SLC24A2: variants seen among roughly 807,000 people sequenced by gnomAD.
SLC24A2 encodes solute carrier family 24 member 2.
Under a neutral mutation model 62.0 loss-of-function variants are expected in SLC24A2, and 36 were observed. The ratio of observed to expected loss-of-function variants is 0.58; its 90% CI spans 0.44 to 0.77. SLC24A2 has a LOEUF of 0.77. SLC24A2 is among the 30% of genes least tolerant of loss of function. The pLI, the probability that SLC24A2 is intolerant of heterozygous loss-of-function variation, is 0.00. For missense variants in SLC24A2, 846 were observed against 817.9 expected (o/e 1.03, Z -0.42); for synonymous variants, 358 against 294.0 (o/e 1.22, Z -2.23).
Position 19,510,781 on chromosome 9 carries a change from C to A in SLC24A2, c.*5372G>T, listed in dbSNP as rs561741024. The A allele has an allele frequency of 3.3e-5, 5 of 152,358 alleles. No individual in the cohort carries two copies. Among genetic ancestry groups the A allele is most frequent in the African/African-American group, 9.6e-5 (4 of 41,584 alleles). 9.4% of individuals were successfully genotyped at this position (152,358 alleles called of 1,614,324 possible). ...GGCTTAGATAATATGGTGCTCTACA[C>A]AGTCCCTCACTGTTCGTACGCTAAT... On this transcript the variant is annotated 3_prime_UTR_variant, in exon 11 of 11. Coordinates refer to ENST00000341998, the MANE Select transcript of SLC24A2 (RefSeq NM_020344.4).
chr9:19,738,890 G>A (rs1344529079), intron 2 of SLC24A2, among the ~76,000 whole-genome samples: 5 of 152,072 alleles, frequency 3.3e-5, no homozygotes, highest in East Asian at 3.9e-4. Flanking sequence ...AGGCTGAGGC[G>A]GGCAGATCAA....
chr9:20,176,338 G>A, the SLC24A2 span, among the ~76,000 whole-genome samples: 2 of 151,992 alleles, frequency 1.3e-5, no homozygotes, highest in African/African-American at 4.8e-5. Context: ...TTATAGCTGT[G>A]ATTTCAGTTA....
At chr9:20,303,699 C>G in the SLC24A2 span, among the ~76,000 whole-genome samples, 6 of 152,254 alleles carry the variant, frequency 3.9e-5, no homozygotes, top group Non-Finnish European at 8.8e-5. Context: ...TTTCCTCCAC[C>G]TGACTGTAGC....
chr9:19,631,915 G>A (rs62563280), intron 2 of SLC24A2, among the ~76,000 whole-genome samples: 4,456 of 152,266 alleles, frequency 0.029, 68 homozygotes, highest in Middle Eastern at 0.068. Flanking sequence ...AATGGCTGAG[G>A]TGAGTGCAGT....
At chr9:20,302,689 C>G in the SLC24A2 span, among the ~76,000 whole-genome samples, 1 of 152,118 alleles carries the variant, frequency 6.6e-6, no homozygotes, top group South Asian at 2.1e-4. Context: ...TCTTCTCATT[C>G]TCTTGACTAT....
At chr9:19,870,753 A>G in the SLC24A2 span, among the ~76,000 whole-genome samples, 2 of 152,108 alleles carry the variant, frequency 1.3e-5, no homozygotes, top group Non-Finnish European at 2.9e-5. Flanking sequence ...TACATCATGG[A>G]TAATAATGTT....
chr9:19,609,892 A>G (rs1387272055), intron 4 of SLC24A2, among the ~76,000 whole-genome samples: 1 of 152,078 alleles, frequency 6.6e-6, no homozygotes, highest in African/African-American at 2.4e-5. Context: ...TGCACAGTTC[A>G]CCATAGAGTT....
At chr9:19,928,881 T>A in the SLC24A2 span, 2 of 152,208 alleles carry the variant, frequency 1.3e-5, no homozygotes, top group African/African-American at 4.8e-5. Context: ...GACCCTTCCA[T>A]GCTGTGAGCC....
the SLC24A2 span, among the ~76,000 whole-genome samples, chr9:19,826,951 C>G: frequency 6.6e-6 from 1 of 152,122 alleles, no homozygotes. Context: ...GTATCTTCTC[C>G]TTTTCCTGTA....
chr9:19,949,771 A>G, the SLC24A2 span, among the ~76,000 whole-genome samples: 20 of 152,198 alleles, frequency 1.3e-4, no homozygotes, highest in Non-Finnish European at 2.2e-4. Context: ...GACCATGTGG[A>G]TTAGAACAAC....
chr9:19,569,259 G>A (rs1013424182), intron 7 of SLC24A2, among the ~76,000 whole-genome samples: 2 of 152,190 alleles, frequency 1.3e-5, no homozygotes, highest in African/African-American at 4.8e-5. Flanking sequence ...GGGTCGTACA[G>A]AAACAGGCTG....
At chr9:19,708,883 A>C (rs1564055011) in intron 2 of SLC24A2, among the ~76,000 whole-genome samples, 1 of 152,204 alleles carries the variant, frequency 6.6e-6, no homozygotes, top group African/African-American at 2.4e-5. Context: ...AAGCAATGGC[A>C]ACAAAAGCCA....
chr9:19,747,001 G>A (rs1320030902), intron 2 of SLC24A2, among the ~76,000 whole-genome samples: 2 of 151,926 alleles, frequency 1.3e-5, no homozygotes, highest in African/African-American at 2.4e-5. Context: ...GTCTACTGTG[G>A]GCCAGTACTA....
the SLC24A2 span, among the ~76,000 whole-genome samples, chr9:20,093,125 G>T: frequency 6.6e-6 from 1 of 151,246 alleles, no homozygotes. Context: ...AGGCTGGAGC[G>T]CAGTAGCGCA....
chr9:20,263,743 T>C, the SLC24A2 span, among the ~76,000 whole-genome samples: 1 of 151,936 alleles, frequency 6.6e-6, no homozygotes, highest in Non-Finnish European at 1.5e-5. Flanking sequence ...GTGTTCCTTT[T>C]GGAAGACTTG....
At position 19,748,210 on chromosome 9, in the gene SLC24A2, A is replaced by C. The variant is rs1043611077; in HGVS notation, c.930+37727T>G. Among the ~76,000 whole-genome samples, 21 of 152,218 alleles carry C rather than the reference A, an allele frequency of 1.4e-4. 1 individual carries two copies. The highest frequency in any genetic ancestry group is 5.1e-4 in the African/African-American group (21 of 41,460). ...AGGGGCTCACACTCAGCTCAGCTGA[A>C]GCAGATATAAAGATACTATGCAGGA... On this transcript the variant is annotated intron_variant, in intron 2 of 10. Transcript: ENST00000341998.
the SLC24A2 span, among the ~76,000 whole-genome samples, chr9:19,906,846 C>T: frequency 3.9e-5 from 6 of 152,072 alleles, no homozygotes; most frequent in African/African-American, 9.7e-5. Context: ...AGCTTACCAA[C>T]CAAAAAAAGT....
the SLC24A2 span, among the ~76,000 whole-genome samples, chr9:20,092,850 A>T: frequency 6.6e-6 from 1 of 152,148 alleles, no homozygotes; most frequent in Non-Finnish European, 1.5e-5. Context: ...TATTCATCTT[A>T]AAACTGAAAG....
At chr9:19,855,319 T>C in the SLC24A2 span, among the ~76,000 whole-genome samples, 1 of 152,218 alleles carries the variant, frequency 6.6e-6, no homozygotes, top group Non-Finnish European at 1.5e-5. Flanking sequence ...TGTGTGAATT[T>C]GATCCTGTCA....
Sources: allele counts gnomAD v4.1 joint callset (sites outside exome capture counted in the v4.1 genomes callset), GRCh38; gene constraint gnomAD v4.1.1; transcripts MANE v1.5; gene names NCBI Gene and HGNC (gene_info 2026-07-23, HGNC 2026-07-21).